SLIT3: variants seen among roughly 807,000 people sequenced by gnomAD.
SLIT3 encodes the protein slit guidance ligand 3.
A neutral mutation model predicts 184.0 loss-of-function variants in SLIT3; 68 were observed. That is an observed-to-expected ratio of 0.37 (90% CI 0.30 to 0.45). SLIT3 has a LOEUF of 0.45. SLIT3 is among the 20% of genes least tolerant of loss of function. The pLI is 1.00. For synonymous variants in SLIT3, 831 were observed against 828.6 expected, an observed-to-expected ratio of 1.00 and a Z score of -0.05; for missense variants, 1,707 against 2,026.0, an observed-to-expected ratio of 0.84 and a Z score of 3.02.
At chr5:168,725,639 T>G (rs1417643739) in intron 20 of SLIT3, among the ~76,000 whole-genome samples, 2 of 152,206 alleles carry the variant, frequency 1.3e-5, no homozygotes, top group African/African-American at 2.4e-5. Flanking sequence ...TCAACATACA[T>G]GCAAATCACC....
intron 2 of SLIT3, among the ~76,000 whole-genome samples, chr5:169,245,188 A>G (rs1765545077): frequency 6.6e-6 from 1 of 152,104 alleles, no homozygotes; most frequent in African/African-American, 2.4e-5. Flanking sequence ...AGCTCACCCT[A>G]GTAGAAAGGG....
intron 3 of SLIT3, among the ~76,000 whole-genome samples, chr5:169,222,734 T>C (rs1374094209): frequency 6.6e-6 from 1 of 152,198 alleles, no homozygotes; most frequent in Non-Finnish European, 1.5e-5. Flanking sequence ...ATTTTTGCTT[T>C]AGGAAGAATG....
intron 4 of SLIT3, among the ~76,000 whole-genome samples, chr5:169,159,754 T>C (rs532321022): frequency 6.6e-6 from 1 of 152,250 alleles, no homozygotes; most frequent in East Asian, 1.9e-4. Context: ...CCAGCCTGGG[T>C]GACAGAGCAA....
intron 4 of SLIT3, among the ~76,000 whole-genome samples, chr5:168,886,402 G>A (rs540654516): frequency 2.0e-5 from 3 of 152,134 alleles, no homozygotes; most frequent in East Asian, 1.9e-4. Context: ...TTATCTCTAC[G>A]TGGTGCCAGA....
intron 4 of SLIT3, among the ~76,000 whole-genome samples, chr5:168,975,832 A>G (rs1041829261): frequency 1.3e-5 from 2 of 152,092 alleles, no homozygotes; most frequent in Admixed American, 6.5e-5. Context: ...AAATGGAGTT[A>G]CTACTTTTGC....
At chr5:169,000,357 A>G (rs1412429567) in intron 4 of SLIT3, among the ~76,000 whole-genome samples, 6 of 135,798 alleles carry the variant, frequency 4.4e-5, no homozygotes, top group Admixed American at 8.5e-5. Flanking sequence ...ACACCACTGC[A>G]CTCCAGCCTG....
chr5:169,087,435 C>T (rs984255720), intron 4 of SLIT3, among the ~76,000 whole-genome samples: 2 of 152,170 alleles, frequency 1.3e-5, no homozygotes, highest in Non-Finnish European at 2.9e-5. Context: ...TGAGGCAGTG[C>T]TTTCTCCTGT....
chr5:169,081,996 A>G (rs1448607934), intron 4 of SLIT3, among the ~76,000 whole-genome samples: 1 of 152,194 alleles, frequency 6.6e-6, no homozygotes. Context: ...ACCCCCCCAC[A>G]GCATAACATT....
intron 9 of SLIT3, among the ~76,000 whole-genome samples, chr5:168,803,099 C>G (rs913713950): frequency 6.6e-5 from 10 of 152,188 alleles, no homozygotes; most frequent in Admixed American, 5.2e-4. Flanking sequence ...AAGGTGGTGA[C>G]AAGACCTTTT....
chr5:168,698,569 A>G (rs534634691), intron 27 of SLIT3, among the ~76,000 whole-genome samples: 209 of 152,262 alleles, frequency 1.4e-3, no homozygotes, highest in Non-Finnish European at 2.7e-3. Flanking sequence ...TGGAACTTCT[A>G]TCCTTCAGAA....
chr5:169,278,175 C>T (rs943306417), intron 1 of SLIT3, among the ~76,000 whole-genome samples: 11 of 152,182 alleles, frequency 7.2e-5, no homozygotes, highest in African/African-American at 1.9e-4. Context: ...AGAAGCCTGG[C>T]GACACAGAAG....
At chr5:169,102,877 T>C (rs1489503601) in intron 4 of SLIT3, among the ~76,000 whole-genome samples, 3 of 152,244 alleles carry the variant, frequency 2.0e-5, no homozygotes, top group African/African-American at 7.2e-5. Context: ...ACCCTGTAGC[T>C]GAGTTGAGCT....
chr5:169,166,630 T>C (rs1024364018), intron 4 of SLIT3, among the ~76,000 whole-genome samples: 1 of 152,152 alleles, frequency 6.6e-6, no homozygotes, highest in Non-Finnish European at 1.5e-5. Context: ...CCATGCCCTC[T>C]TCAACCCACC....
At position 169,117,965 on chromosome 5, in the gene SLIT3, T is replaced by C. The variant is rs530371688; in HGVS notation, c.413+75514A>G. ...GGCCCAGCATCACACACTAGGACAA[T>C]GTTATGGTTGTCACATTCTATGATG... is the stretch of plus-strand genomic sequence containing the variant. On this transcript the variant is annotated intron_variant, in intron 4 of 35. Transcript: ENST00000519560. 2.6e-5 allele frequency among the ~76,000 whole-genome samples: 4 copies of C among 152,214 alleles called. No individual in the cohort carries two copies. The East Asian group carries it at 5.8e-4, about 22-fold the overall frequency.
chr5:168,836,396 G>A (rs1313395611), intron 6 of SLIT3, among the ~76,000 whole-genome samples: 2 of 152,222 alleles, frequency 1.3e-5, no homozygotes, highest in Non-Finnish European at 1.5e-5. Flanking sequence ...AAAGGGCAGA[G>A]GCTGACCATC....
intron 5 of SLIT3, among the ~76,000 whole-genome samples, chr5:168,864,630 T>C (rs1759234931): frequency 6.6e-6 from 1 of 152,212 alleles, no homozygotes; most frequent in South Asian, 2.1e-4. Flanking sequence ...CCCAGCACCC[T>C]TGCCAATTCA....
intron 4 of SLIT3, among the ~76,000 whole-genome samples, chr5:168,883,811 C>A (rs537013989): frequency 6.6e-6 from 1 of 152,122 alleles, no homozygotes; most frequent in African/African-American, 2.4e-5. Context: ...ACAGAGCCTG[C>A]CCATTCTGAT....
chr5:168,678,148 T>C (rs1360510064), intron 32 of SLIT3, among the ~76,000 whole-genome samples: 1 of 152,208 alleles, frequency 6.6e-6, no homozygotes, highest in East Asian at 1.9e-4. Flanking sequence ...TCTATGCCGG[T>C]AGGTGCTCAT....
chr5:168,805,610 G>A (rs1182615545), intron 9 of SLIT3, among the ~76,000 whole-genome samples: 1 of 152,130 alleles, frequency 6.6e-6, no homozygotes, highest in Non-Finnish European at 1.5e-5. Context: ...GGGGAGAGTG[G>A]ACTAGACCGA....
Sources: allele counts gnomAD v4.1 joint callset (sites outside exome capture counted in the v4.1 genomes callset), GRCh38; gene constraint gnomAD v4.1.1; transcripts MANE v1.5; gene names NCBI Gene and HGNC (gene_info 2026-07-23, HGNC 2026-07-21).